LZTS1: variants seen among roughly 807,000 people sequenced by gnomAD.
LZTS1 encodes the protein leucine zipper putative tumor suppressor 1.
In LZTS1, 31 loss-of-function variants were observed where a neutral mutation model predicts 45.8. The ratio of observed to expected loss-of-function variants is 0.68; its 90% CI spans 0.51 to 0.91. The LOEUF is 0.91. LZTS1 is among the 40% of genes least tolerant of loss of function. The pLI is 0.00. For missense variants in LZTS1, 821 were observed against 788.9 expected, an observed-to-expected ratio of 1.04 and a Z score of -0.49; for synonymous variants, 359 against 357.3, an observed-to-expected ratio of 1.00 and a Z score of -0.05.
intron 1 of LZTS1, among the ~76,000 whole-genome samples, chr8:20,287,850 C>G (rs967073459): frequency 7.4e-6 from 1 of 135,442 alleles, no homozygotes; most frequent in Admixed American, 9.0e-5. Flanking sequence ...TGCTTGAGCC[C>G]AGGAGGTAGA....
At chr8:20,251,377 G>C (rs565973009) in intron 3 of LZTS1, among the ~76,000 whole-genome samples, 4 of 151,786 alleles carry the variant, frequency 2.6e-5, no homozygotes, top group African/African-American at 9.7e-5. Flanking sequence ...GGGTAGGGTC[G>C]GATTTTCTCC....
At chr8:20,277,903 T>A (rs1170253629) in intron 1 of LZTS1, among the ~76,000 whole-genome samples, 10 of 152,174 alleles carry the variant, frequency 6.6e-5, no homozygotes, top group African/African-American at 2.4e-4. Flanking sequence ...GGGAGCAGGA[T>A]AATGTGTGTG....
At chr8:20,264,015 C>G (rs1800299365) in intron 1 of LZTS1, among the ~76,000 whole-genome samples, 1 of 151,900 alleles carries the variant, frequency 6.6e-6, no homozygotes, top group African/African-American at 2.4e-5. Flanking sequence ...TATTCCTTCT[C>G]CCCACTCCCA....
Position 20,249,103 on chromosome 8 carries a change from C to A in LZTS1, c.*619G>T, listed in dbSNP as rs1032590383. 3 of 153,294 alleles carry A rather than the reference C, an allele frequency of 2.0e-5. No homozygotes were observed. Among genetic ancestry groups the A allele is most frequent in the African/African-American group, 7.2e-5 (3 of 41,482 alleles). The allele number at this position is 153,294 out of a possible 1,614,324, so 9.5% of individuals were successfully genotyped here. On this transcript the variant is annotated 3_prime_UTR_variant, in exon 4 of 4. Transcript: ENST00000381569. ...ACCCTTGGATTCTCCCTCTGCCCTC[C>A]TCTGGCTGTGGCAGGGTCTCCACAC...
intron 1 of LZTS1, among the ~76,000 whole-genome samples, chr8:20,301,120 CAAAAA>C (rs71222143): frequency 2.8e-5 from 3 of 107,132 alleles, no homozygotes; most frequent in Non-Finnish European, 5.5e-5. Context: ...GACTCCGTCT[CAAAAA>C]AAAAAAAAAA....
In LZTS1 at chr8:20,250,208, G is replaced by A; in HGVS notation, c.1305C>T (p.Asp435=). The stretch of plus-strand genomic sequence containing the variant: ...CCTTGGTGCGCAGGGCGCCCTCCAG[G>A]TCCTGGGTCCTCAGCTCCAGGCCCT... ...KLEGLELRTQ[D]LEGALRTKGL... The change falls in exon 4 of 4, where the codon GAC becomes GAT. Residue 435 remains aspartate, a synonymous_variant. Coordinates refer to ENST00000381569, the MANE Select transcript of LZTS1 (RefSeq NM_021020.5). The A allele has an allele frequency of 3.1e-6, 5 of 1,611,884 alleles. No homozygotes were observed. Among genetic ancestry groups the A allele is most frequent in the South Asian group, 1.1e-5 (1 of 91,040 alleles).
intron 2 of LZTS1, among the ~76,000 whole-genome samples, 159 bp downstream of exon 2, chr8:20,254,678 G>T (rs1377279389): frequency 6.6e-6 from 1 of 152,132 alleles, no homozygotes; most frequent in South Asian, 2.1e-4. Flanking sequence ...TGATCTCTGC[G>T]GTGTGGCCAC....
At chr8:20,293,998 G>A (rs1800942084) in intron 1 of LZTS1, among the ~76,000 whole-genome samples, 1 of 152,202 alleles carries the variant, frequency 6.6e-6, no homozygotes, top group Admixed American at 6.5e-5. Context: ...TTCCTGAGGT[G>A]TGAAATAAAA....
At chr8:20,287,281 A>G (rs1329625136) in intron 1 of LZTS1, among the ~76,000 whole-genome samples, 1 of 152,190 alleles carries the variant, frequency 6.6e-6, no homozygotes, top group Admixed American at 6.5e-5. Flanking sequence ...AGTAAAGTCC[A>G]CCCTTTCACG....
chr8:20,290,710 A>G (rs1311823087), intron 1 of LZTS1, among the ~76,000 whole-genome samples: 1 of 152,212 alleles, frequency 6.6e-6, no homozygotes, highest in Non-Finnish European at 1.5e-5. Context: ...AAACTGAACT[A>G]AGAGAGAAGT....
intron 1 of LZTS1, among the ~76,000 whole-genome samples, chr8:20,273,176 T>C (rs891093690): frequency 2.6e-5 from 4 of 152,216 alleles, no homozygotes; most frequent in African/African-American, 9.6e-5. Context: ...TTTTTCGGTC[T>C]GTGTTTTTTG....
chr8:20,260,713 CCCTGTGCTGCATCCT>C (rs1185512568), intron 1 of LZTS1, among the ~76,000 whole-genome samples: 1 of 152,212 alleles, frequency 6.6e-6, no homozygotes, highest in Non-Finnish European at 1.5e-5. Flanking sequence ...TGGGCAGCAG[CCCTGTGCTGCATCCT>C]AGAGGGTCAA....
chr8:20,261,646 A>G (rs926660237), intron 1 of LZTS1, among the ~76,000 whole-genome samples: 2 of 152,230 alleles, frequency 1.3e-5, no homozygotes, highest in Non-Finnish European at 2.9e-5. Context: ...AGAGAGAGGC[A>G]TGGAGTTGCA....
intron 1 of LZTS1, among the ~76,000 whole-genome samples, chr8:20,273,972 T>C (rs949424831): frequency 4.6e-5 from 7 of 151,876 alleles, no homozygotes; most frequent in Admixed American, 1.3e-4. Context: ...AGTTTGTAAA[T>C]CTGTCATTTT....
rs1376138862 is a variant in LZTS1 at position 20,255,124 on chromosome 8, C to T, written c.58G>A (p.Ala20Thr). 6.2e-7 allele frequency: 1 copy of T among 1,614,036 alleles called. No homozygotes were observed. Among genetic ancestry groups the T allele is most frequent in the Non-Finnish European group, 8.5e-7 (1 of 1,180,040 alleles). The change falls in exon 2 of 4, where the codon GCT becomes ACT. Residue 20 changes from alanine to threonine, a missense_variant. Physicochemically the swap from Ala to Thr is moderately conservative, Grantham distance 58 (BLOSUM62 0). Coordinates refer to ENST00000381569, the MANE Select transcript of LZTS1 (RefSeq NM_021020.5). ...GHSFHSKHCR[A>T]SQYKLRKSSH... ...GACTTGCGCAGCTTGTACTGCGAAGCCCGGCAGTGCTTGCTGTGGAAGCTG... is the reference window on the plus strand; with the variant it reads ...GACTTGCGCAGCTTGTACTGCGAAGTCCGGCAGTGCTTGCTGTGGAAGCTG...
chr8:20,300,459 A>G (rs1192680423), intron 1 of LZTS1, among the ~76,000 whole-genome samples: 2 of 151,874 alleles, frequency 1.3e-5, no homozygotes, highest in Non-Finnish European at 2.9e-5. Context: ...CAGCCTCCCA[A>G]GTAGCTGGGA....
chr8:20,265,221 C>A (rs1800323178), intron 1 of LZTS1, among the ~76,000 whole-genome samples: 1 of 152,146 alleles, frequency 6.6e-6, no homozygotes, highest in Non-Finnish European at 1.5e-5. Flanking sequence ...GCCATGGGAA[C>A]CACGCCTTCG....
At chr8:20,278,925 C>T (rs1270432304) in intron 1 of LZTS1, among the ~76,000 whole-genome samples, 3 of 152,172 alleles carry the variant, frequency 2.0e-5, no homozygotes, top group African/African-American at 7.2e-5. Flanking sequence ...CATTCATGAC[C>T]CTTTATGCCC....
Position 20,250,247 on chromosome 8 carries a change from C to T in LZTS1, c.1266G>A (p.Thr422=), listed in dbSNP as rs766988972. The T allele has an allele frequency of 6.2e-6, 10 of 1,613,584 alleles. No homozygotes were observed. Among genetic ancestry groups the T allele is most frequent in the African/African-American group, 4.0e-5 (3 of 74,952 alleles). ...GCTCCAGGCCCTCCAGCTTGCCCCGCGTGTCCTTCAGCTGTGCCTTGAGAC... is the reference window on the plus strand; with the variant it reads ...GCTCCAGGCCCTCCAGCTTGCCCCGTGTGTCCTTCAGCTGTGCCTTGAGAC... The part of the protein sequence containing the change: ...ILGLKAQLKD[T]RGKLEGLELR... Residue 422 remains threonine (T), a synonymous_variant, in exon 4 of 4, where the codon ACG becomes ACA. Transcript: ENST00000381569.
Sources: gnomAD v4.1 joint callset for allele counts (sites outside exome capture counted in the v4.1 genomes callset) on GRCh38, gnomAD v4.1.1 for gene constraint, MANE v1.5 for transcripts, NCBI Gene and HGNC (gene_info 2026-07-23, HGNC 2026-07-21) for gene names.